Variants in NPHP4 observed in about 807,000 individuals in gnomAD.
The protein encoded by NPHP4 is nephrocystin 4, also known as nephrocystin-4.
Under a neutral mutation model 155.8 loss-of-function variants are expected in NPHP4, and 151 were observed. That is an observed-to-expected ratio of 0.97 (90% CI 0.85 to 1.11). NPHP4 has a LOEUF of 1.11. NPHP4 is among the 50% of genes least tolerant of loss of function. The pLI, the probability that NPHP4 is intolerant of heterozygous loss-of-function variation, is 0.00. For synonymous variants in NPHP4, 845 were observed against 816.8 expected (o/e 1.03, Z -0.59); for missense variants, 1,956 against 1,925.7 (o/e 1.02, Z -0.29).
chr1:5,865,462 C>G (rs1450376771), intron 26 of NPHP4, 189 bp from the exon 27 acceptor site: 1 of 519,302 alleles, frequency 1.9e-6, no homozygotes, highest in Non-Finnish European at 3.4e-6. Flanking sequence ...CCCCAGGAGG[C>G]AGAGCTAGGG....
intron 3 of NPHP4, among the ~76,000 whole-genome samples, chr1:5,974,419 C>CT (rs1325869741): frequency 1.3e-5 from 2 of 152,282 alleles, no homozygotes; most frequent in East Asian, 1.9e-4. Flanking sequence ...CACACACAGT[C>CT]ATTAAGGAAA....
chr1:5,962,238 G>A (rs1187480062), intron 5 of NPHP4, among the ~76,000 whole-genome samples: 1 of 152,176 alleles, frequency 6.6e-6, no homozygotes, highest in Non-Finnish European at 1.5e-5. Flanking sequence ...GGAGAGCAGT[G>A]GTGTAATCAT....
intron 3 of NPHP4, among the ~76,000 whole-genome samples, chr1:5,970,404 G>A (rs1652345939): frequency 6.6e-6 from 1 of 152,088 alleles, no homozygotes; most frequent in Non-Finnish European, 1.5e-5. Context: ...TTAGGAGGCT[G>A]AGACAGGAGG....
chr1:5,864,087 G>A (rs1640930086), intron 28 of NPHP4, 54 bp from the exon 29 acceptor site: 1 of 1,587,342 alleles, frequency 6.3e-7, no homozygotes, highest in Non-Finnish European at 8.6e-7. Flanking sequence ...AACAGCCACT[G>A]GCCCTTCCTC....
chr1:5,868,774 TGCACACAC>T (rs745947829), intron 23 of NPHP4, among the ~76,000 whole-genome samples: 51 of 112,280 alleles, frequency 4.5e-4, no homozygotes, highest in Non-Finnish European at 8.5e-4. Context: ...TGCACCCACA[TGCACACAC>T]GCACACAATG....
chr1:5,948,152 C>T lies in NPHP4; in HGVS notation c.910G>A (p.Val304Ile), dbSNP rs571395593. The T allele has an allele frequency of 2.2e-5, 36 of 1,613,610 alleles. No individual in the cohort carries two copies. Among genetic ancestry groups the T allele is most frequent in the East Asian group, 1.1e-4 (5 of 44,874 alleles). ...ACATCCATCTCAGGCACCAGTACAA[C>T]GACCTGCGGCCTCTGCACGAAGCCC... ...GLGFVQRPQVVVLVPEMDVAL... is the reference protein window; with the variant it reads ...GLGFVQRPQVIVLVPEMDVAL... Residue 304 changes from valine to isoleucine, a missense_variant, in exon 8 of 30, where the codon GTT (valine) becomes ATT (isoleucine). Transcript: ENST00000378156.
chr1:5,953,550 C>T (rs1015766551), intron 6 of NPHP4, among the ~76,000 whole-genome samples: 1 of 152,246 alleles, frequency 6.6e-6, no homozygotes, highest in African/African-American at 2.4e-5. Flanking sequence ...CCTTACTTTA[C>T]TGTGTTACCT....
chr1:5,865,504 C>T (rs1211022643), intron 26 of NPHP4: 4 of 462,246 alleles, frequency 8.7e-6, no homozygotes, highest in African/African-American at 1.9e-5. Context: ...TGCCCATCTC[C>T]CACCCACAGC....
At position 5,991,833 on chromosome 1, in the gene NPHP4, G is replaced by C. The variant is rs1225510600; in HGVS notation, c.-39+411C>G. Among the ~76,000 whole-genome samples the C allele has an allele frequency of 2.6e-5, 4 of 151,646 alleles. No homozygotes were observed. The East Asian group carries it at 7.9e-4, about 30-fold the overall frequency. On this transcript the variant is annotated intron_variant, in intron 1 of 29. Coordinates refer to ENST00000378156, the MANE Select transcript of NPHP4 (RefSeq NM_015102.5). ...AGGCGGGGTCCGCGGACTCCGGCCT[G>C]GGAAGGATGCGCGCGGACTAGGGCG... is the stretch of plus-strand genomic sequence containing the variant.
chr1:5,974,848 G>A lies in NPHP4; in HGVS notation c.279+3422C>T, dbSNP rs577884928. On this transcript the variant is annotated intron_variant, in intron 3 of 29. Coordinates refer to ENST00000378156, the MANE Select transcript of NPHP4 (RefSeq NM_015102.5). ...AAACCTGAGCATGCAGGGTCCATGC[G>A]CTACCACGTGGGGGCTGGACAGCCA... Among the ~76,000 whole-genome samples, 4 of 152,250 alleles carry A rather than the reference G, an allele frequency of 2.6e-5. No homozygotes were observed. The East Asian group carries it at 5.8e-4, about 22-fold the overall frequency.
At chr1:5,980,739 G>A (rs1432456847) in intron 2 of NPHP4, among the ~76,000 whole-genome samples, 1 of 152,122 alleles carries the variant, frequency 6.6e-6, no homozygotes, top group Non-Finnish European at 1.5e-5. Context: ...GCCCAGTACT[G>A]AATCTCGCAT....
At chr1:5,931,290 A>C (rs1215082527) in intron 10 of NPHP4, among the ~76,000 whole-genome samples, 2 of 152,096 alleles carry the variant, frequency 1.3e-5, no homozygotes, top group Non-Finnish European at 2.9e-5. Flanking sequence ...CTACAGGTTC[A>C]GTTCCAAACC....
intron 5 of NPHP4, among the ~76,000 whole-genome samples, chr1:5,962,516 G>A (rs1650521681): frequency 6.6e-6 from 1 of 152,210 alleles, no homozygotes; most frequent in South Asian, 2.1e-4. Flanking sequence ...CTGCCTTTGT[G>A]TGTCAGCACT....
intron 20 of NPHP4, among the ~76,000 whole-genome samples, chr1:5,875,389 C>T (rs1382457306): frequency 2.6e-5 from 4 of 152,154 alleles, no homozygotes; most frequent in African/African-American, 9.7e-5. Context: ...ACGAGTCTGG[C>T]CCCCCGCACG....
At chr1:5,945,999 C>T (rs575013659) in intron 9 of NPHP4, among the ~76,000 whole-genome samples, 20 of 152,268 alleles carry the variant, frequency 1.3e-4, no homozygotes, top group South Asian at 1.2e-3. Context: ...AGAGAGACTA[C>T]GTTCACTTTT....
At chr1:5,935,356 G>A (rs1557773581) in intron 9 of NPHP4, among the ~76,000 whole-genome samples, 1 of 152,188 alleles carries the variant, frequency 6.6e-6, no homozygotes, top group Non-Finnish European at 1.5e-5. Context: ...GATTTGGGTG[G>A]TCCCTGGCAA....
rs879893367 is a variant in NPHP4, at chr1:5,910,075, G to A, written c.1442-862C>T. 1.3e-5 allele frequency among the ~76,000 whole-genome samples: 2 copies of A among 152,208 alleles called. No homozygotes were observed. Among genetic ancestry groups the A allele is most frequent in the African/African-American group, 2.4e-5 (1 of 41,448 alleles). On this transcript the variant is annotated intron_variant, in intron 11 of 29. Transcript: ENST00000378156. The surrounding 1 kb of genome is among the most constrained non-coding windows in gnomAD (Gnocchi z 5.4). ...GCTCCTGCCACAGCGGTGCTGGAGC[G>A]TCCATAGCCACTCGTCTCTTACGGT...
At chr1:5,880,063 C>T in intron 19 of NPHP4, 51 bp downstream of exon 19, 1 of 1,607,214 alleles carries the variant, frequency 6.2e-7, no homozygotes, top group Non-Finnish European at 8.5e-7. Flanking sequence ...TTCCACCTCT[C>T]ACCCACCACT....
At chr1:5,907,686 C>T (rs1236901134) in intron 12 of NPHP4, among the ~76,000 whole-genome samples, 1 of 123,034 alleles carries the variant, frequency 8.1e-6, no homozygotes, top group African/African-American at 3.4e-5. Flanking sequence ...ATAGAGTGCC[C>T]GTGCCAACGT....
Sources: allele counts gnomAD v4.1 joint callset (sites outside exome capture counted in the v4.1 genomes callset), GRCh38; gene constraint gnomAD v4.1.1; non-coding constraint Gnocchi (gnomAD v3.1); transcripts MANE v1.5; gene names NCBI Gene and HGNC (gene_info 2026-07-23, HGNC 2026-07-21).